The following SLC4A7 variants were observed in gnomAD, a reference collection of about 807,000 sequenced individuals.
The protein encoded by SLC4A7 is sodium bicarbonate cotransporter 3.
In SLC4A7, 51 loss-of-function variants were observed where a neutral mutation model predicts 137.6. That is an observed-to-expected ratio of 0.37 (90% CI 0.30 to 0.47). The LOEUF (loss-of-function observed/expected upper bound fraction) is 0.47, where lower values mean the gene tolerates loss of function less well. Ranked by LOEUF, SLC4A7 falls within the 20% of genes least tolerant of loss-of-function variation. The probability of loss-of-function intolerance (pLI) is 1.00; values close to 1 mark genes in which losing one functional copy is unlikely to be tolerated. For missense variants in SLC4A7, 1,247 were observed against 1,525.4 expected, an observed-to-expected ratio of 0.82 and a Z score of 3.04; for synonymous variants, 542 against 518.6, an observed-to-expected ratio of 1.05 and a Z score of -0.61.
intron 1 of SLC4A7, among the ~76,000 whole-genome samples, chr3:27,476,869 A>G (rs1051151782): frequency 6.6e-6 from 1 of 152,182 alleles, no homozygotes; most frequent in African/African-American, 2.4e-5. Context: ...AGACTAATAC[A>G]TCATCCTAAC....
chr3:27,395,042 G>C lies in SLC4A7; in HGVS notation c.2777C>G (p.Ala926Gly). Reference protein sequence around the residue: ...DNPWWTLLIAAIPALLCTILI... With the variant: ...DNPWWTLLIAGIPALLCTILI... ...AATGGTACAAAGCAAAGCAGGAATA[G>C]CAGCTATTAATAAGGTCCACCAAGG... is the stretch of plus-strand genomic sequence containing the variant. Residue 926 changes from alanine (A) to glycine (G), a missense_variant, in exon 19 of 26, where the codon GCT becomes GGT. By Grantham distance (60) the Ala-to-Gly change is moderately conservative. Coordinates refer to ENST00000454389, the MANE Select transcript of SLC4A7 (RefSeq NM_001321103.2). The C allele has an allele frequency of 6.2e-7, 1 of 1,612,876 alleles. No individual in the cohort carries two copies. The highest frequency in any genetic ancestry group is 8.5e-7 in the Non-Finnish European group (1 of 1,179,250).
chr3:27,465,893 G>C (rs35201716), intron 1 of SLC4A7, among the ~76,000 whole-genome samples: 33,093 of 148,784 alleles, frequency 0.22, 3,770 homozygotes, highest in Non-Finnish European at 0.25. Flanking sequence ...GGCGGAGGTT[G>C]CAGTGAGCTG....
At chr3:27,386,095 A>C (rs2050915056) in intron 22 of SLC4A7, 72 bp from the exon 23 acceptor site, 5 of 1,206,094 alleles carry the variant, frequency 4.1e-6, no homozygotes, top group Non-Finnish European at 4.6e-6. Context: ...GGAAAAGCAT[A>C]TTTATTAAAT....
intron 23 of SLC4A7, among the ~76,000 whole-genome samples, chr3:27,383,717 A>G (rs372766288): frequency 6.6e-6 from 1 of 152,152 alleles, no homozygotes; most frequent in East Asian, 1.9e-4. Flanking sequence ...GCACCTCAGA[A>G]TTCTACCTAT....
intron 23 of SLC4A7, among the ~76,000 whole-genome samples, chr3:27,383,744 C>T (rs1559622616): frequency 6.6e-6 from 1 of 152,224 alleles, no homozygotes; most frequent in Non-Finnish European, 1.5e-5. Context: ...CCAGTAGCAG[C>T]CCCTCCAGTT....
rs2050596157 is a variant in SLC4A7, at chr3:27,383,173, T to C, written c.3570A>G (p.Pro1190=). The change falls in exon 24 of 26, where the codon CCA becomes CCG. Residue 1190 remains proline, a synonymous_variant. Coordinates refer to ENST00000454389, the MANE Select transcript of SLC4A7 (RefSeq NM_001321103.2). ...PFEGGSLLQI[P]VKALKYSVDP... Reference sequence around the variant, plus strand: ...CTCACCTATATTTTAGGGCCTTGACTGGAATTTGCAAGAGACTTCCCCCTT... The same window carrying C: ...CTCACCTATATTTTAGGGCCTTGACCGGAATTTGCAAGAGACTTCCCCCTT... The C allele has an allele frequency of 6.2e-7, 1 of 1,611,864 alleles. No individual in the cohort carries two copies. The highest frequency in any genetic ancestry group is 2.2e-5 in the East Asian group (1 of 44,860).
intron 23 of SLC4A7, among the ~76,000 whole-genome samples, chr3:27,385,595 T>A (rs376476913): frequency 2.0e-4 from 31 of 152,286 alleles, no homozygotes; most frequent in African/African-American, 7.2e-4. Flanking sequence ...TTCTTCTAAT[T>A]GCTGATTTAG....
chr3:27,426,832 G>C (rs2055679123), intron 7 of SLC4A7, among the ~76,000 whole-genome samples: 5 of 152,040 alleles, frequency 3.3e-5, no homozygotes, highest in Admixed American at 3.3e-4. Flanking sequence ...TTCTCAATCA[G>C]TAAAGTCTCC....
chr3:27,380,946 C>A (rs2050360500), intron 24 of SLC4A7, among the ~76,000 whole-genome samples: 2 of 151,996 alleles, frequency 1.3e-5, no homozygotes, highest in Non-Finnish European at 2.9e-5. Context: ...TATTTTTTTC[C>A]CTCAAAATGA....
At chr3:27,403,048 A>G in intron 15 of SLC4A7, 91 bp downstream of exon 15, 2 of 1,242,396 alleles carry the variant, frequency 1.6e-6, no homozygotes, top group South Asian at 3.0e-5. Flanking sequence ...AGCTAGTTAC[A>G]CTATCACACT....
chr3:27,399,952 T>G (rs1364309366), intron 16 of SLC4A7, among the ~76,000 whole-genome samples: 1 of 152,164 alleles, frequency 6.6e-6, no homozygotes, highest in Non-Finnish European at 1.5e-5. Context: ...CAGTCTTAAA[T>G]TATCAGTGGG....
chr3:27,463,361 C>G (rs2058800561), intron 1 of SLC4A7, among the ~76,000 whole-genome samples: 2 of 152,080 alleles, frequency 1.3e-5, no homozygotes, highest in South Asian at 4.1e-4. Flanking sequence ...ACCCGGGAGG[C>G]GGAGCTTGCA....
Position 27,376,151 on chromosome 3 carries a change from A to C in SLC4A7, c.*613T>G, listed in dbSNP as rs1192383894. The C allele has an allele frequency of 4.6e-5, 7 of 152,140 alleles. No homozygotes were observed. The highest frequency in any genetic ancestry group is 4.6e-4 in the Admixed American group (7 of 15,282). 9.4% of individuals were successfully genotyped at this position (152,140 alleles called of 1,614,324 possible). ...ATGGATACCTAGATATGAAGGTTTT[A>C]AGATTTAAAAAAAATTTAAACATAA... On this transcript the variant is annotated 3_prime_UTR_variant, in exon 26 of 26. Coordinates refer to ENST00000454389, the MANE Select transcript of SLC4A7 (RefSeq NM_001321103.2).
chr3:27,458,535 T>C (rs558839784), intron 1 of SLC4A7, among the ~76,000 whole-genome samples: 1 of 152,322 alleles, frequency 6.6e-6, no homozygotes, highest in East Asian at 1.9e-4. Flanking sequence ...TATAATTAAT[T>C]ACATATTTGA....
Position 27,372,882 on chromosome 3 carries a change from A to G in SLC4A7, c.*3882T>C, listed in dbSNP as rs1462632762. The G allele has an allele frequency of 6.6e-6, 1 of 152,638 alleles. No homozygotes were observed. Among genetic ancestry groups the G allele is most frequent in the African/African-American group, 2.4e-5 (1 of 41,466 alleles). The allele number at this position is 152,638 out of a possible 1,614,324, so 9.5% of individuals were successfully genotyped here. ...TATAAATGAAAAATATCAGTTCTAC[A>G]ATTTAAATGTTTACTTTGGATTTTA... On this transcript the variant is annotated 3_prime_UTR_variant, in exon 26 of 26. Coordinates refer to ENST00000454389, the MANE Select transcript of SLC4A7 (RefSeq NM_001321103.2).
chr3:27,400,927 A>C, intron 15 of SLC4A7, 58 bp from the exon 16 acceptor site: 1 of 966,136 alleles, frequency 1.0e-6, no homozygotes, highest in East Asian at 2.4e-5. Flanking sequence ...CTTACATTTT[A>C]CTAAATCAAT....
chr3:27,437,634 T>G, intron 3 of SLC4A7, 108 bp from the exon 4 acceptor site: 1 of 526,894 alleles, frequency 1.9e-6, no homozygotes, highest in Non-Finnish European at 3.0e-6. Flanking sequence ...TAAACAAATA[T>G]ATTTCATCAA....
At chr3:27,410,179 C>A (rs1406182683) in intron 12 of SLC4A7, among the ~76,000 whole-genome samples, 4 of 152,158 alleles carry the variant, frequency 2.6e-5, no homozygotes, top group Non-Finnish European at 5.9e-5. Flanking sequence ...TCTGTTTGTA[C>A]ATCAAAGCTG....
At chr3:27,441,435 A>G (rs2057184725) in intron 3 of SLC4A7, among the ~76,000 whole-genome samples, 1 of 151,996 alleles carries the variant, frequency 6.6e-6, no homozygotes, top group Non-Finnish European at 1.5e-5. Flanking sequence ...CTGAGAGTAA[A>G]TTTTCATTGT....
Sources: gnomAD v4.1 joint callset for allele counts (sites outside exome capture counted in the v4.1 genomes callset) on GRCh38, gnomAD v4.1.1 for gene constraint, MANE v1.5 for transcripts, NCBI Gene and HGNC (gene_info 2026-07-23, HGNC 2026-07-21) for gene names.